MEI1: variants seen among roughly 807,000 people sequenced by gnomAD.
MEI1 encodes the protein meiotic double-stranded break formation protein 1.
In MEI1, 103 loss-of-function variants were observed where a neutral mutation model predicts 146.2. The observed-to-expected ratio is 0.70, with a 90% CI of 0.60 to 0.83. The LOEUF is 0.83. Among genes scored for constraint, MEI1 ranks in the 40% least tolerant of loss-of-function variants. The pLI is 0.00. For missense variants in MEI1, 1,529 were observed against 1,533.0 expected (o/e 1.00, Z 0.04); for synonymous variants, 652 against 628.2 (o/e 1.04, Z -0.57).
chr22:41,773,093 C>A (rs981555555), intron 20 of MEI1, among the ~76,000 whole-genome samples: 1 of 152,146 alleles, frequency 6.6e-6, no homozygotes, highest in African/African-American at 2.4e-5. Context: ...AGTCTACATC[C>A]CAGGGAAGCT....
chr22:41,772,329 C>A (rs2077520383), intron 20 of MEI1, among the ~76,000 whole-genome samples: 2 of 152,128 alleles, frequency 1.3e-5, no homozygotes, highest in South Asian at 4.1e-4. Flanking sequence ...TCAAGTGATC[C>A]TCCTGCCTTA....
chr22:41,752,801 G>A (rs1601933867), intron 16 of MEI1, 150 bp downstream of exon 16: 1 of 721,454 alleles, frequency 1.4e-6, no homozygotes, highest in African/African-American at 1.7e-5. Context: ...GGTGCAATAA[G>A]CTGGTCATGC....
rs185643484 is a variant in MEI1, at chr22:41,794,629, G to T, written c.3534+152G>T. Among the ~76,000 whole-genome samples, 259 of 152,250 alleles carry T rather than the reference G, an allele frequency of 1.7e-3. 1 individual carries two copies. Among genetic ancestry groups the T allele is most frequent in the South Asian group, 2.3e-3 (11 of 4,824 alleles). ...TCACCCTACAAGAGACTTGCTGAAA[G>T]AATTCCTCTGAATGCCCATATCTCC... is the stretch of plus-strand genomic sequence containing the variant. On this transcript the variant is annotated intron_variant, in intron 28 of 30. Coordinates refer to ENST00000401548, the MANE Select transcript of MEI1 (RefSeq NM_152513.4).
At chr22:41,796,911 C>G (rs2076379996) in intron 30 of MEI1, among the ~76,000 whole-genome samples, 1 of 152,112 alleles carries the variant, frequency 6.6e-6, no homozygotes, top group African/African-American at 2.4e-5. Context: ...CACCACTGTA[C>G]TGCACCCTGG....
intron 11 of MEI1, 133 bp from the exon 12 acceptor site, chr22:41,742,947 G>A (rs1399075725): frequency 1.5e-5 from 9 of 616,994 alleles, no homozygotes; most frequent in East Asian, 8.6e-5. Flanking sequence ...TCCTGGCCTG[G>A]AGTAAGGATT....
chr22:41,760,720 G>C (rs138079954), intron 18 of MEI1, among the ~76,000 whole-genome samples: 2,481 of 152,278 alleles, frequency 0.016, 50 homozygotes, highest in Admixed American at 0.059. Context: ...CACATGAAAG[G>C]GTCGTGATTG....
intron 1 of MEI1, among the ~76,000 whole-genome samples, chr22:41,702,234 A>G (rs1457044077): frequency 2.0e-5 from 3 of 151,680 alleles, no homozygotes; most frequent in Non-Finnish European, 2.9e-5. Context: ...TCTGCCTCCC[A>G]GGTTCAAGCG....
chr22:41,759,563 G>C (rs995120491), intron 18 of MEI1: 2 of 152,144 alleles, frequency 1.3e-5, no homozygotes, highest in Non-Finnish European at 2.9e-5. Flanking sequence ...CCGGGAGGCA[G>C]AGCTCTCAGT....
At chr22:41,744,487 T>TAAAGGAGC (rs1569233115) in intron 12 of MEI1, among the ~76,000 whole-genome samples, 5 of 28,208 alleles carry the variant, frequency 1.8e-4, no homozygotes, top group South Asian at 1.1e-3. Flanking sequence ...ATGATTTTTT[T>TAAAGGAGC]TTTTTTTTTT....
chr22:41,714,413 A>G (rs959709510), intron 4 of MEI1, among the ~76,000 whole-genome samples: 3 of 151,990 alleles, frequency 2.0e-5, no homozygotes, highest in Non-Finnish European at 4.4e-5. Flanking sequence ...TATGTTCTCT[A>G]TGTCTTGTTT....
At chr22:41,721,844 C>T (rs538458197) in intron 6 of MEI1, among the ~76,000 whole-genome samples, 3 of 150,806 alleles carry the variant, frequency 2.0e-5, no homozygotes, top group Admixed American at 6.6e-5. Flanking sequence ...CCACAGCCTC[C>T]CGAGTAGCTG....
At chr22:41,718,033 T>A (rs753926534) in intron 5 of MEI1, 38 bp from the exon 6 acceptor site, 1 of 1,532,470 alleles carries the variant, frequency 6.5e-7, no homozygotes, top group Admixed American at 1.8e-5. Context: ...GTTGACATTG[T>A]GAAATTTCCC....
intron 1 of MEI1, among the ~76,000 whole-genome samples, chr22:41,700,491 C>A (rs774010617): frequency 2.0e-5 from 3 of 152,170 alleles, no homozygotes; most frequent in African/African-American, 7.2e-5. Flanking sequence ...CCACCACGCT[C>A]GGCTAATTTC....
Position 41,776,210 on chromosome 22 carries a change from C to T in MEI1, c.2653C>T (p.His885Tyr). The change falls in exon 21 of 31, where the codon CAC becomes TAC. Residue 885 changes from histidine (H) to tyrosine (Y), a missense_variant. By Grantham distance (83) the His-to-Tyr change is moderately conservative (BLOSUM62 2). Around this residue, in one of 3 missense-constraint regions of MEI1, gnomAD observed 1,212 missense variants for 1,178.9 expected, o/e 1.03. Transcript: ENST00000401548. ...DIQVGGLIRGHFLLILQRLLV... is the reference protein window; with the variant it reads ...DIQVGGLIRGYFLLILQRLLV... ...CCAAGTGGGCGGTCTTATCCGAGGC[C>T]ACTTCCTGCTGATCCTGCAGCGTCT... is the stretch of plus-strand genomic sequence containing the variant. 6.2e-7 allele frequency: 1 copy of T among 1,613,960 alleles called. No individual in the cohort carries two copies. The highest frequency in any genetic ancestry group is 1.7e-5 in the Admixed American group (1 of 60,016).
chr22:41,758,336 T>G, intron 17 of MEI1, 29 bp from the exon 18 acceptor site: 1 of 1,599,226 alleles, frequency 6.3e-7, no homozygotes. Context: ...GTTCTCTGTG[T>G]GGCTTTCCTC....
chr22:41,762,624 C>T (rs562984614), intron 18 of MEI1, among the ~76,000 whole-genome samples: 1 of 150,310 alleles, frequency 6.7e-6, no homozygotes, highest in South Asian at 2.1e-4. Flanking sequence ...TGGCCTCAAG[C>T]AGTTCTCCCA....
intron 5 of MEI1, among the ~76,000 whole-genome samples, chr22:41,716,578 G>A (rs1459364135): frequency 1.3e-4 from 20 of 150,972 alleles, no homozygotes; most frequent in Non-Finnish European, 2.7e-4. Context: ...GTTTCTCCAT[G>A]TTGGTCAGGC....
At chr22:41,756,881 G>T (rs886757067) in intron 17 of MEI1, among the ~76,000 whole-genome samples, 2 of 152,162 alleles carry the variant, frequency 1.3e-5, no homozygotes, top group Non-Finnish European at 2.9e-5. Context: ...TCCTTAAGTG[G>T]CATTTGCTTA....
At chr22:41,711,704 G>C (rs144366362) in intron 3 of MEI1, among the ~76,000 whole-genome samples, 5 of 152,262 alleles carry the variant, frequency 3.3e-5, no homozygotes, top group Non-Finnish European at 7.4e-5. Context: ...TCCCACAGCA[G>C]CTGCTGAATT....
Sources: allele counts gnomAD v4.1 joint callset (sites outside exome capture counted in the v4.1 genomes callset), GRCh38; gene constraint gnomAD v4.1.1; regional missense constraint gnomAD v4.1.1; transcripts MANE v1.5; gene names NCBI Gene and HGNC (gene_info 2026-07-23, HGNC 2026-07-21).